Variants in ROR2 observed in about 807,000 individuals in gnomAD.
ROR2 encodes the protein ROR family WNT receptor 2, also known as tyrosine-protein kinase transmembrane receptor ROR2.
A neutral mutation model predicts 74.9 loss-of-function variants in ROR2; 33 were observed. The observed-to-expected ratio is 0.44, with a 90% CI of 0.33 to 0.59. The LOEUF (loss-of-function observed/expected upper bound fraction) is 0.59, where lower values mean the gene tolerates loss of function less well. Among genes scored for constraint, ROR2 ranks in the 20% least tolerant of loss-of-function variants. ROR2 has a pLI of 0.02. For synonymous variants in ROR2, 586 were observed against 558.7 expected (o/e 1.05, Z -0.69); for missense variants, 1,216 against 1,313.8 (o/e 0.93, Z 1.15).
intron 1 of ROR2, among the ~76,000 whole-genome samples, chr9:91,917,043 T>G (rs746020579): frequency 4.6e-5 from 7 of 152,326 alleles, no homozygotes; most frequent in Non-Finnish European, 8.8e-5. Flanking sequence ...ATTCACGTGT[T>G]GCTTATATGT....
chr9:91,880,195 T>C (rs546594007), intron 1 of ROR2, among the ~76,000 whole-genome samples: 24 of 152,084 alleles, frequency 1.6e-4, no homozygotes, highest in Admixed American at 7.9e-4. Context: ...CACAGTAGGA[T>C]GACCATGTGA....
At chr9:91,936,773 G>A (rs1296159028) in intron 1 of ROR2, among the ~76,000 whole-genome samples, 1 of 151,990 alleles carries the variant, frequency 6.6e-6, no homozygotes, top group Non-Finnish European at 1.5e-5. Flanking sequence ...GCTCACGCCT[G>A]TAATCCCAGC....
intron 1 of ROR2, among the ~76,000 whole-genome samples, chr9:91,884,359 C>T (rs1383546430): frequency 6.6e-6 from 1 of 151,472 alleles, no homozygotes; most frequent in Non-Finnish European, 1.5e-5. Flanking sequence ...ACCCCTGTGA[C>T]AGGGAGTCTC....
At chr9:91,937,380 A>G (rs983993396) in intron 1 of ROR2, among the ~76,000 whole-genome samples, 5 of 152,078 alleles carry the variant, frequency 3.3e-5, no homozygotes, top group South Asian at 2.1e-4. Flanking sequence ...GGATGAGGCG[A>G]GTTTCTGACA....
At chr9:91,857,523 C>G (rs961143234) in intron 1 of ROR2, among the ~76,000 whole-genome samples, 1 of 152,210 alleles carries the variant, frequency 6.6e-6, no homozygotes, top group African/African-American at 2.4e-5. Flanking sequence ...GCAGGAGACT[C>G]GCAGGCACCA....
intron 6 of ROR2, 94 bp from the exon 7 acceptor site, chr9:91,731,249 G>C: frequency 1.3e-6 from 2 of 1,560,228 alleles, no homozygotes; most frequent in Non-Finnish European, 1.8e-6. Flanking sequence ...AAGATCCAAG[G>C]ATTTTACATA....
chr9:91,785,729 G>T (rs2118980582), intron 1 of ROR2, among the ~76,000 whole-genome samples: 1 of 152,268 alleles, frequency 6.6e-6, no homozygotes, highest in East Asian at 1.9e-4. Flanking sequence ...CGGCTCTGTG[G>T]CCCTTGAGAT....
chr9:91,877,273 A>C (rs1230490508), intron 1 of ROR2, among the ~76,000 whole-genome samples: 1 of 152,102 alleles, frequency 6.6e-6, no homozygotes, highest in African/African-American at 2.4e-5. Context: ...TCTCTTTCCA[A>C]CCTCACTCAC....
chr9:91,746,543 G>A lies in ROR2; in HGVS notation c.495-9025C>T, dbSNP rs554721747. On this transcript the variant is annotated intron_variant, in intron 4 of 8. Transcript: ENST00000375708. The stretch of plus-strand genomic sequence containing the variant: ...TTGGGCTGGCAGCTGGCCGAATTCC[G>A]TGTAGACACACTTGGCGAGCGGTGC... Among the ~76,000 whole-genome samples the A allele has an allele frequency of 2.6e-5, 4 of 152,336 alleles. No homozygotes were observed. The East Asian group carries it at 7.7e-4, about 29-fold the overall frequency.
intron 1 of ROR2, among the ~76,000 whole-genome samples, chr9:91,912,522 AT>A (rs1713752596): frequency 6.6e-6 from 1 of 152,172 alleles, no homozygotes; most frequent in African/African-American, 2.4e-5. Context: ...ATAAAAATAT[AT>A]TAAAAATAAA....
intron 1 of ROR2, among the ~76,000 whole-genome samples, chr9:91,924,265 A>C (rs1831340720): frequency 6.6e-6 from 1 of 152,182 alleles, no homozygotes; most frequent in Non-Finnish European, 1.5e-5. Flanking sequence ...TCCTGTGGTC[A>C]CGCTGGGGAC....
At chr9:91,941,931 C>G (rs1230473536) in intron 1 of ROR2, among the ~76,000 whole-genome samples, 2 of 138,066 alleles carry the variant, frequency 1.4e-5, no homozygotes, top group Non-Finnish European at 3.3e-5. Context: ...GCTGGAATTA[C>G]AGGCACATGT....
intron 1 of ROR2, among the ~76,000 whole-genome samples, chr9:91,944,012 C>T (rs1831947544): frequency 6.6e-6 from 1 of 152,196 alleles, no homozygotes; most frequent in Non-Finnish European, 1.5e-5. Context: ...ATTTTCACCT[C>T]TTCTATTCAA....
chr9:91,751,985 A>C (rs1423951174), intron 4 of ROR2, among the ~76,000 whole-genome samples: 1 of 152,254 alleles, frequency 6.6e-6, no homozygotes, highest in Admixed American at 6.5e-5. Context: ...TTTATTTGAA[A>C]ATTTAAAAAT....
In ROR2 at chr9:91,730,924, T is replaced by C; in HGVS notation, c.1169A>G (p.Asp390Gly). ...QNKNVRMELC[D>G]VPSCSPRDSS... ...AGAATACATACTACACGAGGGTACG[T>C]CACACAGTTCCATGCGTACGTTTTT... Residue 390 changes from aspartate (D) to glycine (G), a missense_variant, in exon 7 of 9, where the codon GAC becomes GGC. Physicochemically the swap from Asp to Gly is moderately conservative, Grantham distance 94 (BLOSUM62 -1). Coordinates refer to ENST00000375708, the MANE Select transcript of ROR2 (RefSeq NM_004560.4). The C allele has an allele frequency of 6.2e-7, 1 of 1,614,130 alleles. No individual in the cohort carries two copies. The highest frequency in any genetic ancestry group is 1.3e-5 in the African/African-American group (1 of 75,058).
chr9:91,833,126 C>T (rs1039312268), intron 1 of ROR2, among the ~76,000 whole-genome samples: 1 of 152,156 alleles, frequency 6.6e-6, no homozygotes, highest in Non-Finnish European at 1.5e-5. Flanking sequence ...TGTTCTCTGC[C>T]GAGTGGGCAA....
intron 1 of ROR2, among the ~76,000 whole-genome samples, chr9:91,858,104 T>C (rs949288543): frequency 2.6e-5 from 4 of 152,054 alleles, no homozygotes; most frequent in Non-Finnish European, 4.4e-5. Flanking sequence ...CCTGCTCCAC[T>C]GAAGCACCTG....
intron 1 of ROR2, among the ~76,000 whole-genome samples, chr9:91,844,201 T>C (rs773248473): frequency 1.1e-4 from 17 of 152,118 alleles, no homozygotes; most frequent in Non-Finnish European, 2.1e-4. Context: ...TTTCTTAAAG[T>C]GATTATTTTG....
chr9:91,864,791 C>G lies in ROR2; in HGVS notation c.97+85076G>C, dbSNP rs542831934. On this transcript the variant is annotated intron_variant, in intron 1 of 8. Transcript: ENST00000375708. ...GGTAACTTTCACCATAACTTGAGCA[C>G]AGAAAAAAAGTAACAAGATAAATTA... Among the ~76,000 whole-genome samples, 30 of 152,174 alleles carry G rather than the reference C, an allele frequency of 2.0e-4. No individual in the cohort carries two copies. In the South Asian group the frequency reaches 2.5e-3, roughly 13 times the overall value.
Sources: gnomAD v4.1 joint callset for allele counts (sites outside exome capture counted in the v4.1 genomes callset) on GRCh38, gnomAD v4.1.1 for gene constraint, MANE v1.5 for transcripts, NCBI Gene and HGNC (gene_info 2026-07-23, HGNC 2026-07-21) for gene names.